LPCAT1: variants seen among roughly 807,000 people sequenced by gnomAD.
LPCAT1 encodes lysophosphatidylcholine acyltransferase 1.
Under a neutral mutation model 60.9 loss-of-function variants are expected in LPCAT1, and 23 were observed. That is an observed-to-expected ratio of 0.38 (90% CI 0.27 to 0.53). The LOEUF (loss-of-function observed/expected upper bound fraction) is 0.53, where lower values mean the gene tolerates loss of function less well. Among genes scored for constraint, LPCAT1 ranks in the 20% least tolerant of loss-of-function variants. The probability of loss-of-function intolerance (pLI) is 0.82; values close to 1 mark genes in which losing one functional copy is unlikely to be tolerated. For synonymous variants in LPCAT1, 340 were observed against 301.1 expected, an observed-to-expected ratio of 1.13 and a Z score of -1.34; for missense variants, 622 against 723.6, an observed-to-expected ratio of 0.86 and a Z score of 1.61.
rs762792018 is a variant in LPCAT1, at chr5:1,462,255, G to T, written c.*1396C>A. 6.6e-6 allele frequency: 1 copy of T among 152,498 alleles called. No individual in the cohort carries two copies. The highest frequency in any genetic ancestry group is 6.6e-5 in the Admixed American group (1 of 15,266). 9.4% of individuals were successfully genotyped at this position (152,498 alleles called of 1,614,324 possible). On this transcript the variant is annotated 3_prime_UTR_variant, in exon 14 of 14. Coordinates refer to ENST00000283415, the MANE Select transcript of LPCAT1 (RefSeq NM_024830.5). ...AAACAAACCCGGAGCCTTTGCTTTA[G>T]GAAGCAAACTCAAGTCTGTGATGAT...
chr5:1,488,213 C>A (rs932321532), intron 5 of LPCAT1, among the ~76,000 whole-genome samples, 178 bp downstream of exon 5: 1 of 152,220 alleles, frequency 6.6e-6, no homozygotes, highest in African/African-American at 2.4e-5. Flanking sequence ...ACATGATAAT[C>A]CTTGACTCAC....
intron 13 of LPCAT1, among the ~76,000 whole-genome samples, chr5:1,464,922 A>G (rs1353395259): frequency 4.0e-5 from 6 of 151,108 alleles, no homozygotes; most frequent in African/African-American, 1.2e-4. Context: ...ACATGCGTGC[A>G]CACACAAAAC....
At chr5:1,506,613 C>G (rs1736194741) in intron 1 of LPCAT1, among the ~76,000 whole-genome samples, 1 of 152,218 alleles carries the variant, frequency 6.6e-6, no homozygotes, top group Non-Finnish European at 1.5e-5. Context: ...CCAAGCCCCT[C>G]AGCACTGGCA....
At chr5:1,489,362 G>C (rs1299818105) in intron 4 of LPCAT1, among the ~76,000 whole-genome samples, 1 of 152,220 alleles carries the variant, frequency 6.6e-6, no homozygotes, top group African/African-American at 2.4e-5. Context: ...CTGAATGCCT[G>C]GGAACCAGCA....
intron 3 of LPCAT1, 149 bp downstream of exon 3, chr5:1,494,551 G>A (rs1735707017): frequency 2.9e-6 from 2 of 700,864 alleles, no homozygotes; most frequent in Admixed American, 5.2e-5. Flanking sequence ...GTCCCTCATT[G>A]CCAGCAACAG....
intron 11 of LPCAT1, among the ~76,000 whole-genome samples, chr5:1,472,136 A>G (rs1337324099): frequency 7.2e-6 from 1 of 138,392 alleles, no homozygotes; most frequent in Non-Finnish European, 1.6e-5. Context: ...GACTCTGGCC[A>G]GAGAGCAGGT....
chr5:1,475,803 CG>C (rs1734887447), intron 9 of LPCAT1, among the ~76,000 whole-genome samples: 1 of 101,296 alleles, frequency 9.9e-6, no homozygotes. Flanking sequence ...ATCTCCACTC[CG>C]AGTGGGGCTG....
Position 1,523,336 on chromosome 5 carries a change from T to C in LPCAT1, c.135+374A>G, listed in dbSNP as rs1407038531. On this transcript the variant is annotated intron_variant, in intron 1 of 13. Transcript: ENST00000283415. The surrounding 1 kb of genome is among the most constrained non-coding windows in gnomAD (Gnocchi z 7.1). ...CGAGCGCGGGGACCGGCGATGCGGG[T>C]CCAGCCTCCCGCGGGAGCCGAGGTC... 6.6e-6 allele frequency among the ~76,000 whole-genome samples: 1 copy of C among 151,244 alleles called. No individual in the cohort carries two copies. The highest frequency in any genetic ancestry group is 1.5e-5 in the Non-Finnish European group (1 of 67,768).
At chr5:1,491,306 G>C (rs1467613238) in intron 3 of LPCAT1, among the ~76,000 whole-genome samples, 2 of 101,938 alleles carry the variant, frequency 2.0e-5, no homozygotes, top group African/African-American at 6.8e-5. Context: ...GGTGCCCACT[G>C]TTTTGGCCAA....
intron 11 of LPCAT1, among the ~76,000 whole-genome samples, chr5:1,472,140 A>G (rs1734705724): frequency 6.8e-6 from 1 of 146,336 alleles, no homozygotes; most frequent in African/African-American, 2.6e-5. Context: ...CTGGCCAGAG[A>G]GCAGGTGAGG....
chr5:1,501,658 C>T (rs185657094), intron 1 of LPCAT1, 55 bp from the exon 2 acceptor site: 1 of 1,583,896 alleles, frequency 6.3e-7, no homozygotes, highest in East Asian at 2.2e-5. Context: ...CCAGGCAGCT[C>T]CCCACCCGGC....
chr5:1,509,134 A>C (rs531359958), intron 1 of LPCAT1, among the ~76,000 whole-genome samples: 1 of 152,326 alleles, frequency 6.6e-6, no homozygotes, highest in African/African-American at 2.4e-5. Flanking sequence ...GCAGGGGTGG[A>C]GGGGAGGCTG....
chr5:1,467,852 G>A (rs1409609337), intron 12 of LPCAT1, among the ~76,000 whole-genome samples: 2 of 152,068 alleles, frequency 1.3e-5, no homozygotes, highest in African/African-American at 2.4e-5. Flanking sequence ...TCCTCTGCCT[G>A]GGGCTGCACC....
At chr5:1,497,275 AG>A (rs1273182639) in intron 2 of LPCAT1, among the ~76,000 whole-genome samples, 1 of 152,234 alleles carries the variant, frequency 6.6e-6, no homozygotes, top group Non-Finnish European at 1.5e-5. Context: ...CAGAACATGC[AG>A]GGGGAAAAGG....
Position 1,502,996 on chromosome 5 carries a change from T to C in LPCAT1, c.136-1393A>G, listed in dbSNP as rs942501516. ...ACGTACTCAACGTAGAAGTTGCTAC[T>C]GGCTAGTTTGCATTTTCTCCCGCTG... On this transcript the variant is annotated intron_variant, in intron 1 of 13. Transcript: ENST00000283415. This position sits in a 1 kb window ranked among gnomAD's most constrained non-coding sequence, Gnocchi z 5.5. 6.6e-6 allele frequency among the ~76,000 whole-genome samples: 1 copy of C among 152,252 alleles called. No individual in the cohort carries two copies. The highest frequency in any genetic ancestry group is 1.5e-5 in the Non-Finnish European group (1 of 68,044).
chr5:1,475,622 A>G (rs1188148997), intron 9 of LPCAT1, among the ~76,000 whole-genome samples: 2 of 152,242 alleles, frequency 1.3e-5, no homozygotes, highest in Non-Finnish European at 2.9e-5. Flanking sequence ...TGCAGCGGGC[A>G]GGGGAGGAGA....
intron 2 of LPCAT1, among the ~76,000 whole-genome samples, chr5:1,497,782 C>T (rs547008605): frequency 1.7e-4 from 26 of 152,326 alleles, no homozygotes; most frequent in African/African-American, 6.0e-4. Flanking sequence ...CTAGAGTCAT[C>T]ATGGGGATGG....
In LPCAT1 at chr5:1,494,929, G is replaced by A. The variant is rs533711017; in HGVS notation, c.279-15C>T. 15 of 1,579,876 alleles carry A rather than the reference G, an allele frequency of 9.5e-6. No homozygotes were observed. Among genetic ancestry groups the A allele is most frequent in the African/African-American group, 4.0e-5 (3 of 74,216 alleles). On this transcript the variant is annotated splice_polypyrimidine_tract_variant and intron_variant, in intron 2 of 13. Transcript: ENST00000283415. ...AGTCCACAACCCTGCAAAAGAGGGC[G>A]CTGCGTCACGCGGGCACACGTCCGC...
chr5:1,468,361 G>C (rs866992811), intron 12 of LPCAT1, among the ~76,000 whole-genome samples: 10 of 152,302 alleles, frequency 6.6e-5, no homozygotes, highest in African/African-American at 2.2e-4. Context: ...GCCTCAGAAC[G>C]GGCCGGGTCA....
Sources: allele counts gnomAD v4.1 joint callset (sites outside exome capture counted in the v4.1 genomes callset), GRCh38; gene constraint gnomAD v4.1.1; non-coding constraint Gnocchi (gnomAD v3.1); transcripts MANE v1.5; gene names NCBI Gene and HGNC (gene_info 2026-07-23, HGNC 2026-07-21).